Variants in TBC1D1 observed in about 807,000 individuals in gnomAD.
TBC1D1 encodes TBC1 (tre-2/USP6, BUB2, cdc16) domain family, member 1.
TBC1D1 carries 89 observed loss-of-function variants against 125.6 expected under a neutral mutation model. The ratio of observed to expected loss-of-function variants is 0.71; its 90% CI spans 0.60 to 0.85. The LOEUF (loss-of-function observed/expected upper bound fraction) is 0.85, where lower values mean the gene tolerates loss of function less well. TBC1D1 is among the 40% of genes least tolerant of loss of function. TBC1D1 has a pLI of 0.00. For missense variants in TBC1D1, 1,377 were observed against 1,469.2 expected, an observed-to-expected ratio of 0.94 and a Z score of 1.03; for synonymous variants, 565 against 564.1, an observed-to-expected ratio of 1.00 and a Z score of -0.02.
At chr4:37,952,134 T>C in intron 2 of TBC1D1, 1 of 714,814 alleles carries the variant, frequency 1.4e-6, no homozygotes, top group Non-Finnish European at 2.6e-6. Flanking sequence ...CCTGCAGTCA[T>C]GATGAACCCA....
chr4:38,102,238 T>TATAATAATA (rs77574841), intron 14 of TBC1D1, among the ~76,000 whole-genome samples: 2 of 149,606 alleles, frequency 1.3e-5, no homozygotes, highest in African/African-American at 2.5e-5. Context: ...AAATTTAAAG[T>TATAATAATA]ATAATAATAA....
intron 6 of TBC1D1, among the ~76,000 whole-genome samples, chr4:38,023,255 A>G (rs1204526180): frequency 6.7e-6 from 1 of 150,228 alleles, no homozygotes; most frequent in Non-Finnish European, 1.5e-5. Flanking sequence ...AAAAAAAAAA[A>G]AAAAGGAATA....
intron 2 of TBC1D1, among the ~76,000 whole-genome samples, chr4:38,009,404 TCTTA>T (rs1426275670): frequency 6.6e-6 from 1 of 152,144 alleles, no homozygotes; most frequent in African/African-American, 2.4e-5. Context: ...AATATTTGTT[TCTTA>T]CTTGTTGACA....
rs998275562 is a variant in TBC1D1, at chr4:38,137,489, T to C, written c.*154T>C. ...AAGTAGATTCTTACGAACTCCAACT[T>C]GCAATTCAGGGGGCATGTCCCAGTG... On this transcript the variant is annotated 3_prime_UTR_variant, in exon 20 of 20. Transcript: ENST00000261439. 8.8e-7 allele frequency: 1 copy of C among 1,135,378 alleles called. No individual in the cohort carries two copies. Among genetic ancestry groups the C allele is most frequent in the African/African-American group, 1.6e-5 (1 of 64,286 alleles). The allele number at this position is 1,135,378 out of a possible 1,614,324, so 70.3% of individuals were successfully genotyped here.
chr4:37,987,934 C>A (rs1182759715), intron 2 of TBC1D1, among the ~76,000 whole-genome samples: 1 of 152,208 alleles, frequency 6.6e-6, no homozygotes, highest in African/African-American at 2.4e-5. Context: ...GAGCATCATA[C>A]TGTGGATGTT....
At chr4:37,974,895 C>T (rs540610828) in intron 2 of TBC1D1, among the ~76,000 whole-genome samples, 27 of 152,298 alleles carry the variant, frequency 1.8e-4, no homozygotes, top group African/African-American at 5.5e-4. Flanking sequence ...TTCCTATGCA[C>T]CAGATAAAAC....
At chr4:38,081,259 C>A (rs1756497504) in intron 12 of TBC1D1, among the ~76,000 whole-genome samples, 1 of 152,124 alleles carries the variant, frequency 6.6e-6, no homozygotes, top group East Asian at 1.9e-4. Flanking sequence ...GTGCTATAGG[C>A]CACAGAGGAG....
chr4:38,118,222 C>G, intron 17 of TBC1D1, 30 bp downstream of exon 19: 1 of 1,611,634 alleles, frequency 6.2e-7, no homozygotes, highest in Non-Finnish European at 8.5e-7. Context: ...TTTGCCAGAA[C>G]CAGCCTTCTC....
intron 2 of TBC1D1, among the ~76,000 whole-genome samples, chr4:37,991,314 G>T (rs1024459517): frequency 2.0e-5 from 3 of 152,238 alleles, no homozygotes; most frequent in Non-Finnish European, 1.5e-5. Context: ...TGGCTTGGGT[G>T]TGGGTGTTAA....
chr4:37,997,785 T>C (rs1738133373), intron 2 of TBC1D1, among the ~76,000 whole-genome samples: 1 of 152,052 alleles, frequency 6.6e-6, no homozygotes, highest in Non-Finnish European at 1.5e-5. Flanking sequence ...TTACTTTTTT[T>C]TTTTTTAAAA....
chr4:38,076,438 C>G (rs1009701918), intron 12 of TBC1D1, among the ~76,000 whole-genome samples: 1 of 152,130 alleles, frequency 6.6e-6, no homozygotes, highest in African/African-American at 2.4e-5. Context: ...TGGCCCTGAT[C>G]CCTTTATGTG....
chr4:38,030,060 C>G (rs1745839030), intron 7 of TBC1D1, among the ~76,000 whole-genome samples: 1 of 152,176 alleles, frequency 6.6e-6, no homozygotes, highest in Non-Finnish European at 1.5e-5. Flanking sequence ...CTTTAAGAAA[C>G]CATCTTTCTA....
chr4:38,072,642 A>G (rs1045557646), intron 12 of TBC1D1, among the ~76,000 whole-genome samples: 2 of 152,220 alleles, frequency 1.3e-5, no homozygotes, highest in Non-Finnish European at 2.9e-5. Context: ...CATAAACATA[A>G]TACTACCATC....
At chr4:38,003,902 AC>A (rs1477958062) in intron 2 of TBC1D1, among the ~76,000 whole-genome samples, 1 of 150,938 alleles carries the variant, frequency 6.6e-6, no homozygotes, top group Non-Finnish European at 1.5e-5. Context: ...GCCTTTTCTT[AC>A]CTTACAAACA....
intron 12 of TBC1D1, among the ~76,000 whole-genome samples, chr4:38,082,350 C>T (rs1756719391): frequency 6.6e-6 from 1 of 152,136 alleles, no homozygotes; most frequent in South Asian, 2.1e-4. Context: ...GTGGGCTTTT[C>T]CACCCCACCA....
Position 38,137,128 on chromosome 4 carries a change from T to C in TBC1D1, c.3307-7T>C, listed in dbSNP as rs777487098. Reference sequence around the variant, plus strand: ...ATTGTATTCTCATTTCTTCTTTTATTCTCCAGGTGGCAAATGGTAGGATCC... The same window carrying C: ...ATTGTATTCTCATTTCTTCTTTTATCCTCCAGGTGGCAAATGGTAGGATCC... On this transcript the variant is annotated splice_polypyrimidine_tract_variant and splice_region_variant and intron_variant, in intron 19 of 19. Transcript: ENST00000261439. 1 of 1,613,064 alleles carries C rather than the reference T, an allele frequency of 6.2e-7. No homozygotes were observed. The highest frequency in any genetic ancestry group is 1.1e-5 in the South Asian group (1 of 91,028).
At chr4:38,071,839 G>T (rs1171656300) in intron 12 of TBC1D1, among the ~76,000 whole-genome samples, 3 of 152,154 alleles carry the variant, frequency 2.0e-5, no homozygotes, top group East Asian at 1.9e-4. Context: ...TTAGAAAAGG[G>T]ATTCTTAATC....
chr4:38,121,581 T>G (rs7689749), intron 17 of TBC1D1, among the ~76,000 whole-genome samples: 12,864 of 152,222 alleles, frequency 0.085, 1,461 homozygotes, highest in African/African-American at 0.26. Context: ...GGCTACAGTG[T>G]AGTGAGCTAG....
intron 12 of TBC1D1, among the ~76,000 whole-genome samples, chr4:38,071,323 T>C (rs1047378090): frequency 6.6e-6 from 1 of 152,180 alleles, no homozygotes; most frequent in Admixed American, 6.5e-5. Flanking sequence ...TCTACATTTC[T>C]CTAGATCTAG....
Sources: gnomAD v4.1 joint callset for allele counts (sites outside exome capture counted in the v4.1 genomes callset) on GRCh38, gnomAD v4.1.1 for gene constraint, MANE v1.5 for transcripts, NCBI Gene and HGNC (gene_info 2026-07-23, HGNC 2026-07-21) for gene names.